LRRTM4: variants seen among roughly 807,000 people sequenced by gnomAD.
LRRTM4 encodes the protein leucine-rich repeat transmembrane neuronal protein 4.
In LRRTM4, 25 loss-of-function variants were observed where a neutral mutation model predicts 47.6. The observed-to-expected ratio is 0.53, with a 90% CI of 0.38 to 0.73. The LOEUF (loss-of-function observed/expected upper bound fraction) is 0.73. Among genes scored for constraint, LRRTM4 ranks in the 30% least tolerant of loss-of-function variants. LRRTM4 has a pLI of 0.00. For synonymous variants in LRRTM4, 311 were observed against 269.5 expected (o/e 1.15, Z -1.51); for missense variants, 638 against 713.4 (o/e 0.89, Z 1.20).
At chr2:76,911,551 A>G (rs1318202135) in intron 3 of LRRTM4, among the ~76,000 whole-genome samples, 3 of 152,148 alleles carry the variant, frequency 2.0e-5, no homozygotes, top group Non-Finnish European at 4.4e-5. Context: ...TGGGATATGA[A>G]TTACTGTGTC....
intron 3 of LRRTM4, among the ~76,000 whole-genome samples, chr2:77,283,269 C>A (rs1164234788): frequency 6.6e-6 from 1 of 151,994 alleles, no homozygotes; most frequent in Non-Finnish European, 1.5e-5. Context: ...ACCAAAACCA[C>A]AATGACATAC....
intron 3 of LRRTM4, among the ~76,000 whole-genome samples, chr2:76,840,617 A>C (rs1671645880): frequency 6.6e-6 from 1 of 152,178 alleles, no homozygotes; most frequent in South Asian, 2.1e-4. Flanking sequence ...AAAAAGGAGA[A>C]ACCAACTGCT....
At chr2:77,402,418 G>A (rs1044961964) in intron 3 of LRRTM4, among the ~76,000 whole-genome samples, 1 of 151,934 alleles carries the variant, frequency 6.6e-6, no homozygotes, top group Admixed American at 6.6e-5. Flanking sequence ...CAAAGAGCTA[G>A]GATTACAGTT....
chr2:77,458,026 G>T (rs1676627854), intron 3 of LRRTM4, among the ~76,000 whole-genome samples: 1 of 152,168 alleles, frequency 6.6e-6, no homozygotes, highest in Non-Finnish European at 1.5e-5. Flanking sequence ...CCAGGTGAGA[G>T]AAATGCCAAA....
intron 3 of LRRTM4, among the ~76,000 whole-genome samples, chr2:77,348,089 A>G (rs188333873): frequency 2.6e-5 from 4 of 151,922 alleles, no homozygotes; most frequent in African/African-American, 7.2e-5. Flanking sequence ...AAAGTTTCAT[A>G]GGTAGGCCTC....
chr2:76,828,063 CT>C (rs2103883745), intron 3 of LRRTM4, among the ~76,000 whole-genome samples: 1 of 152,036 alleles, frequency 6.6e-6, no homozygotes, highest in East Asian at 1.9e-4. Flanking sequence ...TGTTTACACA[CT>C]GATTATGCAT....
chr2:77,007,165 T>C lies in LRRTM4; in HGVS notation c.1552-258249A>G, dbSNP rs10210609. ...ATAAATAAAGAGGAATATATATATA[T>C]ACACACACACACACACGCATATATA... is the stretch of plus-strand genomic sequence containing the variant. On this transcript the variant is annotated intron_variant, in intron 3 of 3. Transcript: ENST00000409884. Among the ~76,000 whole-genome samples the C allele has an allele frequency of 9.3e-3, 1,403 of 150,642 alleles. 20 individuals are homozygous for C. Among genetic ancestry groups the C allele is most frequent in the African/African-American group, 0.032 (1,320 of 41,078 alleles).
At chr2:77,338,751 A>T (rs1423042064) in intron 3 of LRRTM4, among the ~76,000 whole-genome samples, 1 of 152,080 alleles carries the variant, frequency 6.6e-6, no homozygotes, top group African/African-American at 2.4e-5. Flanking sequence ...ATTGCTAAGT[A>T]TATACCCAAA....
In LRRTM4 at chr2:77,479,527, AC is replaced by A. The variant is rs145895069; in HGVS notation, c.1551+38790del. Among the ~76,000 whole-genome samples, 886 of 152,328 alleles carry A rather than the reference AC, an allele frequency of 5.8e-3. 8 individuals carry two copies. The highest frequency in any genetic ancestry group is 0.021 in the African/African-American group (863 of 41,584). On this transcript the variant is annotated intron_variant, in intron 3 of 3. Coordinates refer to ENST00000409884, the MANE Select transcript of LRRTM4 (RefSeq NM_001134745.3). ...GATGCTAATCTCTCCAGACTCCTAAACAAAGATAACTAACAGACAAGTGTCT... is the reference window on the plus strand; with the variant it reads ...GATGCTAATCTCTCCAGACTCCTAAAAAAGATAACTAACAGACAAGTGTCT...
intron 3 of LRRTM4, among the ~76,000 whole-genome samples, chr2:77,005,291 C>A (rs770990478): frequency 6.6e-6 from 1 of 152,090 alleles, no homozygotes; most frequent in Non-Finnish European, 1.5e-5. Context: ...ATTATACATG[C>A]CTGCCACCAC....
intron 3 of LRRTM4, among the ~76,000 whole-genome samples, chr2:77,023,167 C>G (rs1678333793): frequency 6.6e-6 from 1 of 152,224 alleles, no homozygotes; most frequent in Admixed American, 6.5e-5. Flanking sequence ...AAGCCACAGC[C>G]CAAGCTCTAT....
intron 3 of LRRTM4, among the ~76,000 whole-genome samples, chr2:77,440,446 A>G (rs1274552849): frequency 6.6e-6 from 1 of 152,176 alleles, no homozygotes; most frequent in East Asian, 1.9e-4. Flanking sequence ...GTGAGAGATA[A>G]CACCACATAG....
At chr2:77,375,123 A>G (rs1000854249) in intron 3 of LRRTM4, among the ~76,000 whole-genome samples, 1 of 151,506 alleles carries the variant, frequency 6.6e-6, no homozygotes, top group Non-Finnish European at 1.5e-5. Flanking sequence ...TTCACCCATC[A>G]GTGAGAGTTT....
rs189571695 is a variant in LRRTM4, at chr2:77,049,674, T to C, written c.1552-300758A>G. On this transcript the variant is annotated intron_variant, in intron 3 of 3. Transcript: ENST00000409884. ...GTTGTTGACTTGCTTGAGTTTCTTA[T>C]TTATTATTAATATTAACCACTTGTA... is the stretch of plus-strand genomic sequence containing the variant. Among the ~76,000 whole-genome samples, 1,477 of 148,332 alleles carry C rather than the reference T, an allele frequency of 1.0e-2. 25 individuals carry two copies. The highest frequency in any genetic ancestry group is 0.038 in the African/African-American group (1,422 of 37,890).
intron 3 of LRRTM4, among the ~76,000 whole-genome samples, chr2:77,251,565 C>T (rs1675618555): frequency 6.6e-6 from 1 of 152,070 alleles, no homozygotes; most frequent in Non-Finnish European, 1.5e-5. Context: ...GCTCTGTGAA[C>T]TTCACCTGTG....
At chr2:76,794,618 T>C (rs992049913) in intron 3 of LRRTM4, among the ~76,000 whole-genome samples, 2 of 152,206 alleles carry the variant, frequency 1.3e-5, no homozygotes, top group African/African-American at 2.4e-5. Flanking sequence ...CAAAAAGCAA[T>C]AATTTTATCT....
At chr2:77,220,939 T>C (rs1051905063) in intron 3 of LRRTM4, among the ~76,000 whole-genome samples, 37 of 152,116 alleles carry the variant, frequency 2.4e-4, no homozygotes, top group African/African-American at 8.7e-4. Flanking sequence ...GAAAAAATGT[T>C]AAGGGCAGCC....
chr2:76,931,013 C>A (rs1011066353), intron 3 of LRRTM4, among the ~76,000 whole-genome samples: 1 of 151,770 alleles, frequency 6.6e-6, no homozygotes, highest in Admixed American at 6.6e-5. Flanking sequence ...GCTCATAGAC[C>A]TTGTATGATT....
intron 3 of LRRTM4, among the ~76,000 whole-genome samples, chr2:76,909,065 G>T (rs1171461460): frequency 6.6e-6 from 1 of 151,418 alleles, no homozygotes; most frequent in African/African-American, 2.4e-5. Context: ...AACAAAGCTG[G>T]AGGCATCACA....
Sources: gnomAD v4.1 joint callset for allele counts (sites outside exome capture counted in the v4.1 genomes callset) on GRCh38, gnomAD v4.1.1 for gene constraint, MANE v1.5 for transcripts, NCBI Gene and HGNC (gene_info 2026-07-23, HGNC 2026-07-21) for gene names.